The following RIMS2 variants were observed in gnomAD, a reference collection of about 807,000 sequenced individuals.
RIMS2 encodes regulating synaptic membrane exocytosis 2.
Under a neutral mutation model 174.4 loss-of-function variants are expected in RIMS2, and 59 were observed. That is an observed-to-expected ratio of 0.34 (90% CI 0.27 to 0.42). The LOEUF is 0.42. Among genes scored for constraint, RIMS2 ranks in the 10% least tolerant of loss-of-function variants. The pLI is 1.00. For missense variants in RIMS2, 1,620 were observed against 1,666.3 expected (o/e 0.97, Z 0.48); for synonymous variants, 606 against 572.5 (o/e 1.06, Z -0.84).
intron 14 of RIMS2, among the ~76,000 whole-genome samples, chr8:103,952,982 G>C (rs896712084): frequency 2.0e-5 from 3 of 152,100 alleles, no homozygotes. Flanking sequence ...AGTATGATTA[G>C]CTGAATTTAT....
chr8:103,816,291 C>T (rs2098718073), intron 3 of RIMS2, among the ~76,000 whole-genome samples: 1 of 152,034 alleles, frequency 6.6e-6, no homozygotes, highest in Non-Finnish European at 1.5e-5. Context: ...AACTGAGAAC[C>T]AGATGAAGTC....
intron 19 of RIMS2, among the ~76,000 whole-genome samples, chr8:104,037,721 A>G (rs563189536): frequency 1.3e-5 from 2 of 152,156 alleles, no homozygotes; most frequent in Non-Finnish European, 2.9e-5. Context: ...ATTTTACATA[A>G]AATCTCACAT....
chr8:103,841,342 C>A (rs1290459227), intron 3 of RIMS2, among the ~76,000 whole-genome samples: 1 of 151,894 alleles, frequency 6.6e-6, no homozygotes, highest in Non-Finnish European at 1.5e-5. Flanking sequence ...GAATGTTTCC[C>A]TACTTTCTCT....
intron 1 of RIMS2, among the ~76,000 whole-genome samples, chr8:103,595,067 A>G (rs1296280827): frequency 6.6e-6 from 1 of 151,850 alleles, no homozygotes; most frequent in Admixed American, 6.6e-5. Flanking sequence ...TGGATGGTAT[A>G]TGCTTCTATA....
intron 19 of RIMS2, among the ~76,000 whole-genome samples, chr8:104,205,712 G>A (rs2099076850): frequency 1.3e-5 from 2 of 151,800 alleles, no homozygotes; most frequent in African/African-American, 2.4e-5. Flanking sequence ...AGCTCTGTAG[G>A]TGATTATCAG....
chr8:104,085,903 G>A (rs1483058788), intron 19 of RIMS2, among the ~76,000 whole-genome samples: 1 of 152,126 alleles, frequency 6.6e-6, no homozygotes, highest in East Asian at 1.9e-4. Flanking sequence ...TACAGGAGAT[G>A]TCCTGTCAGC....
At chr8:103,534,865 G>A (rs1237350997) in intron 1 of RIMS2, among the ~76,000 whole-genome samples, 1 of 152,100 alleles carries the variant, frequency 6.6e-6, no homozygotes, top group Non-Finnish European at 1.5e-5. Flanking sequence ...GACTTACAAA[G>A]CCTTATTTAC....
intron 14 of RIMS2, among the ~76,000 whole-genome samples, chr8:103,945,557 G>A (rs1007558341): frequency 1.8e-4 from 28 of 151,648 alleles, no homozygotes; most frequent in African/African-American, 6.5e-4. Flanking sequence ...TTAATAAATC[G>A]AATCCAACAG....
chr8:103,967,445 C>T (rs56287978), intron 15 of RIMS2, among the ~76,000 whole-genome samples: 19,079 of 151,824 alleles, frequency 0.13, 1,621 homozygotes, highest in Non-Finnish European at 0.19. Context: ...CCACCAGCCT[C>T]GGCCTCCCAC....
At chr8:103,734,841 C>T (rs1193199272) in intron 2 of RIMS2, among the ~76,000 whole-genome samples, 1 of 152,036 alleles carries the variant, frequency 6.6e-6, no homozygotes. Context: ...AGTGATAATG[C>T]ATATTTTCTA....
intron 3 of RIMS2, among the ~76,000 whole-genome samples, chr8:103,771,706 G>T (rs2098255235): frequency 6.6e-6 from 1 of 151,946 alleles, no homozygotes; most frequent in Non-Finnish European, 1.5e-5. Flanking sequence ...TCTTTATTGT[G>T]TTGTATTTTA....
chr8:104,218,946 T>C (rs1339087369), intron 19 of RIMS2, among the ~76,000 whole-genome samples: 2 of 152,220 alleles, frequency 1.3e-5, no homozygotes, highest in African/African-American at 4.8e-5. Flanking sequence ...GGTCTAGACA[T>C]GATAGAGCTA....
intron 19 of RIMS2, chr8:104,223,645 G>A: frequency 6.3e-7 from 1 of 1,587,666 alleles, no homozygotes; most frequent in Non-Finnish European, 8.5e-7. Context: ...GCGGGTCCTC[G>A]TCCAAGATGG....
intron 14 of RIMS2, among the ~76,000 whole-genome samples, chr8:103,944,875 A>G (rs1445203700): frequency 1.3e-5 from 2 of 152,092 alleles, no homozygotes; most frequent in Non-Finnish European, 2.9e-5. Context: ...AGAAACAAGA[A>G]CTAGGAAATA....
Position 103,748,792 on chromosome 8 carries a change from G to C in RIMS2, c.388-17435G>C, listed in dbSNP as rs528775512. On this transcript the variant is annotated intron_variant, in intron 2 of 23. Transcript: ENST00000504942. ...CCATTTTAAGTGAAACCTTCTATGT[G>C]AATATACATTCTACTTTTTTTTTTT... Among the ~76,000 whole-genome samples the C allele has an allele frequency of 2.6e-5, 4 of 151,722 alleles. 1 individual carries two copies. In the East Asian group the frequency reaches 7.8e-4, roughly 29 times the overall value.
intron 13 of RIMS2, among the ~76,000 whole-genome samples, chr8:103,937,085 G>A (rs540293838): frequency 2.3e-4 from 34 of 150,392 alleles, no homozygotes; most frequent in Non-Finnish European, 4.0e-4. Flanking sequence ...GTGACAGAGC[G>A]AGACTCTGTC....
At chr8:104,144,899 C>G (rs2098620034) in intron 19 of RIMS2, among the ~76,000 whole-genome samples, 2 of 151,952 alleles carry the variant, frequency 1.3e-5, no homozygotes, top group Non-Finnish European at 2.9e-5. Flanking sequence ...ACCTGTGTCC[C>G]CTAGTAGTAG....
intron 19 of RIMS2, among the ~76,000 whole-genome samples, chr8:104,194,808 A>G (rs1451091631): frequency 2.0e-5 from 3 of 152,236 alleles, no homozygotes; most frequent in African/African-American, 7.2e-5. Flanking sequence ...ATACCTGAAC[A>G]TATTAGTAGA....
chr8:103,884,441 G>C (rs1464955086), intron 3 of RIMS2, among the ~76,000 whole-genome samples: 2 of 151,858 alleles, frequency 1.3e-5, no homozygotes, highest in East Asian at 1.9e-4. Flanking sequence ...GAAAAGGTTA[G>C]TGTGAATATT....
Sources: allele counts gnomAD v4.1 joint callset (sites outside exome capture counted in the v4.1 genomes callset), GRCh38; gene constraint gnomAD v4.1.1; transcripts MANE v1.5; gene names NCBI Gene and HGNC (gene_info 2026-07-23, HGNC 2026-07-21).